Variants in CLCN6 observed in about 807,000 individuals in gnomAD.
CLCN6 encodes H(+)/Cl(-) exchange transporter 6.
In CLCN6, 70 loss-of-function variants were observed where a neutral mutation model predicts 109.8. The ratio of observed to expected loss-of-function variants is 0.64; its 90% confidence interval spans 0.53 to 0.78. CLCN6 has a LOEUF of 0.78. CLCN6 is among the 30% of genes least tolerant of loss of function. The probability of loss-of-function intolerance (pLI) is 0.00; values close to 1 mark genes in which losing one functional copy is unlikely to be tolerated. For missense variants in CLCN6, 984 were observed against 1,142.3 expected, an observed-to-expected ratio of 0.86 and a Z score of 2.00; for synonymous variants, 444 against 447.8, an observed-to-expected ratio of 0.99 and a Z score of 0.11.
chr1:11,822,182 A>G (rs939304133), intron 5 of CLCN6, among the ~76,000 whole-genome samples: 3 of 152,126 alleles, frequency 2.0e-5, no homozygotes, highest in African/African-American at 7.2e-5. Context: ...TGTTAAAGCT[A>G]CAGTTGTGAG....
Position 11,842,705 on chromosome 1 carries a change from C to T in CLCN6, c.*2482C>T, listed in dbSNP as rs527389979. ...ATCAGGGAGTGGGGCCAATGGGCCCCCGGCCCTGGCTTTGGGACCTTGTGC... is the reference window on the plus strand; with the variant it reads ...ATCAGGGAGTGGGGCCAATGGGCCCTCGGCCCTGGCTTTGGGACCTTGTGC... On this transcript the variant is annotated 3_prime_UTR_variant, in exon 23 of 23. Coordinates refer to ENST00000346436, the MANE Select transcript of CLCN6 (RefSeq NM_001286.5). 30 of 152,458 alleles carry T rather than the reference C, an allele frequency of 2.0e-4. 1 individual carries two copies. The East Asian group carries it at 5.8e-3, about 29-fold the overall frequency. The allele number at this position is 152,458 out of a possible 1,614,324, so 9.4% of individuals were successfully genotyped here.
intron 1 of CLCN6, chr1:11,806,883 C>T: frequency 2.0e-6 from 1 of 499,596 alleles, no homozygotes; most frequent in South Asian, 3.0e-5. Context: ...CGTTGGACAT[C>T]TTTGAGGTGT....
intron 2 of CLCN6, among the ~76,000 whole-genome samples, chr1:11,812,156 C>T (rs1644606857): frequency 6.6e-6 from 1 of 152,184 alleles, no homozygotes; most frequent in Non-Finnish European, 1.5e-5. Context: ...TTCTCAGCAG[C>T]TGGCAGTGAA....
intron 2 of CLCN6, among the ~76,000 whole-genome samples, chr1:11,812,327 G>C (rs1233426513): frequency 6.6e-6 from 1 of 152,216 alleles, no homozygotes; most frequent in Non-Finnish European, 1.5e-5. Context: ...GTGGGAGGGG[G>C]CACGGAGCTT....
At chr1:11,824,919 A>G (rs1282403798) in intron 8 of CLCN6, among the ~76,000 whole-genome samples, 1 of 152,322 alleles carries the variant, frequency 6.6e-6, no homozygotes, top group Non-Finnish European at 1.5e-5. Context: ...TTTTAGGCAC[A>G]GTTCCGTGCT....
intron 2 of CLCN6, among the ~76,000 whole-genome samples, chr1:11,812,178 C>T (rs923120142): frequency 6.6e-6 from 1 of 152,080 alleles, no homozygotes; most frequent in African/African-American, 2.4e-5. Context: ...TGAAGGTTCA[C>T]AGGACTCCCT....
At chr1:11,833,020 CTT>C (rs34913289) in intron 13 of CLCN6, among the ~76,000 whole-genome samples, 2 of 144,980 alleles carry the variant, frequency 1.4e-5, no homozygotes. Flanking sequence ...AATTCAGGTG[CTT>C]TTTTTTTTTT....
At chr1:11,822,566 T>G in intron 5 of CLCN6, 129 bp from the exon 6 acceptor site, 1 of 572,396 alleles carries the variant, frequency 1.7e-6, no homozygotes. Context: ...TTTAAAAAAT[T>G]TTTATATATA....
In CLCN6 at chr1:11,842,820, G is replaced by T. The variant is rs756167824; in HGVS notation, c.*2597G>T. The stretch of plus-strand genomic sequence containing the variant: ...GGACCCAGTCCACTGTATGGCATTT[G>T]TGATGCAGAATTATGCACTGACATG... On this transcript the variant is annotated 3_prime_UTR_variant, in exon 23 of 23. Coordinates refer to ENST00000346436, the MANE Select transcript of CLCN6 (RefSeq NM_001286.5). The T allele has an allele frequency of 6.6e-6, 1 of 152,262 alleles. No homozygotes were observed. Among genetic ancestry groups the T allele is most frequent in the South Asian group, 2.1e-4 (1 of 4,836 alleles). The allele number at this position is 152,262 out of a possible 1,614,324, so 9.4% of individuals were successfully genotyped here.
intron 22 of CLCN6, chr1:11,839,093 ATTTTC>A (rs1644988103): frequency 1.7e-6 from 1 of 586,932 alleles, no homozygotes; most frequent in Admixed American, 3.1e-5. Context: ...GAACTTCATT[ATTTTC>A]TTATTACACA....
intron 22 of CLCN6, 175 bp downstream of exon 22, chr1:11,838,835 T>G: frequency 1.1e-6 from 1 of 921,234 alleles, no homozygotes; most frequent in Non-Finnish European, 1.8e-6. Context: ...CCCTTTCCCC[T>G]GCCTGCCAGC....
At chr1:11,837,240 C>T (rs1644962210) in intron 19 of CLCN6, 84 bp downstream of exon 19, 2 of 1,586,574 alleles carry the variant, frequency 1.3e-6, no homozygotes, top group South Asian at 2.3e-5. Flanking sequence ...TGAGGTGGCT[C>T]CTGAGTTTCC....
intron 5 of CLCN6, among the ~76,000 whole-genome samples, chr1:11,820,002 TAA>T (rs1471522174): frequency 1.3e-5 from 2 of 152,198 alleles, no homozygotes; most frequent in Non-Finnish European, 2.9e-5. Flanking sequence ...TCATAAAATT[TAA>T]GATACAGTCA....
At position 11,833,541 on chromosome 1, in the gene CLCN6, CAA is replaced by C; in HGVS notation, c.1276_1277del (p.Lys426AspfsTer7). On this transcript the variant is annotated frameshift_variant, in exon 14 of 23. Coordinates refer to ENST00000346436, the MANE Select transcript of CLCN6 (RefSeq NM_001286.5). LOFTEE classifies it high-confidence loss of function. ...TCACAGAAGATGTGAATTCAAGTAT[CAA>C]GACATTTTTTTGTCCCAATGATACC... The part of the protein sequence containing the change: ...QVTEDVNSSI[K>X]TFFCPNDTYN... 1 of 1,613,976 alleles carries C rather than the reference CAA, an allele frequency of 6.2e-7. No individual in the cohort carries two copies. The highest frequency in any genetic ancestry group is 8.5e-7 in the Non-Finnish European group (1 of 1,179,968).
In CLCN6 at chr1:11,833,905, G is replaced by C; in HGVS notation, c.1401G>C (p.Leu467Phe). The C allele has an allele frequency of 6.2e-7, 1 of 1,613,198 alleles. No homozygotes were observed. Among genetic ancestry groups the C allele is most frequent in the Non-Finnish European group, 8.5e-7 (1 of 1,179,772 alleles). ...DGTFSPVTLA[L>F]FFVLYFLLAC... ...CTTTCAGCCCCGTCACTCTGGCCTT[G>C]TTCTTCGTTCTCTATTTCTTGCTTG... Residue 467 changes from leucine (L) to phenylalanine (F), a missense_variant, in exon 15 of 23, where the codon TTG becomes TTC. Transcript: ENST00000346436.
At chr1:11,835,275 A>G (rs1644929852) in intron 17 of CLCN6, among the ~76,000 whole-genome samples, 1 of 151,934 alleles carries the variant, frequency 6.6e-6, no homozygotes, top group African/African-American at 2.4e-5. Flanking sequence ...TTTTATTATT[A>G]TTGTTTTTCT....
At position 11,821,073 on chromosome 1, in the gene CLCN6, T is replaced by TAA. The variant is rs1216520509; in HGVS notation, c.346+1519_346+1520insAA. ...CCTGGGCAATGAGAGCAAAACTGTC[T>TAA]CAAAAAACAACAACAAAAAAAAAAA... On this transcript the variant is annotated intron_variant, in intron 5 of 22. Coordinates refer to ENST00000346436, the MANE Select transcript of CLCN6 (RefSeq NM_001286.5). Among the ~76,000 whole-genome samples the TAA allele has an allele frequency of 3.2e-4, 40 of 123,118 alleles. 2 individuals are homozygous for TAA. The highest frequency in any genetic ancestry group is 4.6e-3 in the Middle Eastern group (1 of 216). 80.8% of individuals were successfully genotyped at this position (123,118 alleles called of 152,430 possible). A position where few individuals can be genotyped will look rare whatever the true frequency, so the allele number is the denominator to read the frequency against.
chr1:11,838,852 C>T, intron 22 of CLCN6, 192 bp downstream of exon 22: 2 of 804,776 alleles, frequency 2.5e-6, no homozygotes, highest in Non-Finnish European at 4.3e-6. Flanking sequence ...CAGCAGATGG[C>T]ACCAGCGTCC....
intron 8 of CLCN6, among the ~76,000 whole-genome samples, chr1:11,825,120 C>T (rs182597880): frequency 6.6e-6 from 1 of 152,284 alleles, no homozygotes; most frequent in African/African-American, 2.4e-5. Context: ...TCAAAGCTCC[C>T]ATTCTTGGGG....
Sources: gnomAD v4.1 joint callset for allele counts (sites outside exome capture counted in the v4.1 genomes callset) on GRCh38, gnomAD v4.1.1 for gene constraint, MANE v1.5 for transcripts, NCBI Gene and HGNC (gene_info 2026-07-23, HGNC 2026-07-21) for gene names.